Variants in COL5A2 observed in about 807,000 individuals in gnomAD.
The protein encoded by COL5A2 is collagen type V alpha 2 chain, also known as collagen alpha-2(V) chain.
COL5A2 carries 23 observed loss-of-function variants against 208.2 expected under a neutral mutation model. The ratio of observed to expected loss-of-function variants is 0.11; its 90% confidence interval spans 0.08 to 0.16. COL5A2 has a LOEUF of 0.16. COL5A2 is among the 10% of genes least tolerant of loss of function. The pLI is 1.00. For missense variants in COL5A2, 1,590 were observed against 1,956.4 expected (o/e 0.81, Z 3.53); for synonymous variants, 625 against 628.5 (o/e 0.99, Z 0.08).
intron 1 of COL5A2, among the ~76,000 whole-genome samples, chr2:189,179,300 T>C (rs751003781): frequency 1.5e-4 from 23 of 152,166 alleles, no homozygotes; most frequent in Non-Finnish European, 1.2e-4. Context: ...AATTTAGTAG[T>C]GTACTCTCTC....
chr2:189,138,459 T>C (rs556533308), intron 1 of COL5A2, among the ~76,000 whole-genome samples: 2 of 152,308 alleles, frequency 1.3e-5, no homozygotes, highest in South Asian at 2.1e-4. Flanking sequence ...ACATGCTTAA[T>C]TGAAATATAT....
chr2:189,407,208 T>C, the COL5A2 span, among the ~76,000 whole-genome samples: 1 of 152,126 alleles, frequency 6.6e-6, no homozygotes, highest in East Asian at 1.9e-4. Flanking sequence ...TCCATACCTG[T>C]AAAGGTTTTT....
intron 5 of COL5A2, among the ~76,000 whole-genome samples, chr2:189,098,017 GAT>G (rs1430425688): frequency 1.3e-5 from 2 of 151,052 alleles, no homozygotes; most frequent in East Asian, 3.9e-4. Context: ...TTATTGTGCT[GAT>G]ATCTTAAAAT....
the COL5A2 span, among the ~76,000 whole-genome samples, chr2:189,274,649 T>C: frequency 2.0e-5 from 3 of 152,124 alleles, no homozygotes; most frequent in Non-Finnish European, 4.4e-5. Flanking sequence ...CATAAGCAAA[T>C]AATTTTCTTG....
At chr2:189,236,675 C>T in the COL5A2 span, among the ~76,000 whole-genome samples, 1 of 151,770 alleles carries the variant, frequency 6.6e-6, no homozygotes, top group Non-Finnish European at 1.5e-5. Flanking sequence ...TGTGAAGTGT[C>T]TATTCAAGTC....
At chr2:189,211,001 T>C (rs528416309) in intron 1 of COL5A2, among the ~76,000 whole-genome samples, 1 of 152,302 alleles carries the variant, frequency 6.6e-6, no homozygotes, top group Non-Finnish European at 1.5e-5. Context: ...CCATTAGCAA[T>C]TAGAGATTTA....
At chr2:189,426,851 T>C in the COL5A2 span, among the ~76,000 whole-genome samples, 1 of 152,220 alleles carries the variant, frequency 6.6e-6, no homozygotes, top group Non-Finnish European at 1.5e-5. Flanking sequence ...TCTAACAACC[T>C]ATGCTTCTAT....
intron 1 of COL5A2, among the ~76,000 whole-genome samples, chr2:189,215,153 T>C (rs1367844177): frequency 1.3e-5 from 2 of 152,146 alleles, no homozygotes; most frequent in Non-Finnish European, 2.9e-5. Context: ...AATCTATACA[T>C]AGTTACACAT....
chr2:189,337,425 G>A, the COL5A2 span, among the ~76,000 whole-genome samples: 3 of 151,694 alleles, frequency 2.0e-5, no homozygotes, highest in African/African-American at 4.8e-5. Context: ...CTCGTGATCC[G>A]CCCGCCTCGG....
the COL5A2 span, among the ~76,000 whole-genome samples, chr2:189,320,182 G>A: frequency 6.6e-6 from 1 of 152,192 alleles, no homozygotes; most frequent in Non-Finnish European, 1.5e-5. Flanking sequence ...CATCATCAAA[G>A]ACCAAAGGTA....
At chr2:189,371,049 C>T in the COL5A2 span, among the ~76,000 whole-genome samples, 2 of 152,064 alleles carry the variant, frequency 1.3e-5, no homozygotes, top group African/African-American at 2.4e-5. Flanking sequence ...AGTTCTCCCT[C>T]GAATAGTTCC....
the COL5A2 span, among the ~76,000 whole-genome samples, chr2:189,247,063 G>A: frequency 1.3e-5 from 2 of 152,056 alleles, no homozygotes; most frequent in South Asian, 2.1e-4. Flanking sequence ...GATTGAGATG[G>A]AGGAAACGTT....
At chr2:189,226,837 G>A (rs965217777), upstream of COL5A2, among the ~76,000 whole-genome samples, 4 of 152,230 alleles carry the variant, frequency 2.6e-5, no homozygotes, top group Middle Eastern at 3.4e-3. Flanking sequence ...TGGTAATGCA[G>A]ATGGGACCTA....
At chr2:189,108,836 T>C (rs1378442361) in intron 2 of COL5A2, among the ~76,000 whole-genome samples, 4 of 151,966 alleles carry the variant, frequency 2.6e-5, no homozygotes, top group Non-Finnish European at 4.4e-5. Context: ...TTGTGTGATA[T>C]CAACTCTCCT....
the COL5A2 span, among the ~76,000 whole-genome samples, chr2:189,230,563 C>T: frequency 3.3e-5 from 5 of 151,750 alleles, no homozygotes; most frequent in Non-Finnish European, 7.4e-5. Context: ...AATTTCAAAA[C>T]AGCTAACAGG....
chr2:189,293,137 G>A, the COL5A2 span, among the ~76,000 whole-genome samples: 1 of 151,974 alleles, frequency 6.6e-6, no homozygotes, highest in Non-Finnish European at 1.5e-5. Flanking sequence ...ATAGCATTAG[G>A]AGATATACCT....
intron 12 of COL5A2, among the ~76,000 whole-genome samples, chr2:189,082,100 T>C (rs1408567903): frequency 2.0e-5 from 3 of 152,198 alleles, no homozygotes; most frequent in Non-Finnish European, 4.4e-5. Flanking sequence ...AAAGAAATGG[T>C]TTGATATTTC....
At chr2:189,300,046 G>A in the COL5A2 span, among the ~76,000 whole-genome samples, 1 of 152,218 alleles carries the variant, frequency 6.6e-6, no homozygotes, top group Admixed American at 6.5e-5. Context: ...TCATTCCATA[G>A]TATGCATCAA....
At chr2:189,426,676 C>A in the COL5A2 span, among the ~76,000 whole-genome samples, 4 of 152,320 alleles carry the variant, frequency 2.6e-5, no homozygotes, top group South Asian at 8.3e-4. Flanking sequence ...TCAGGGTTCA[C>A]AAACTTCAGT....
Sources: gnomAD v4.1 joint callset for allele counts (sites outside exome capture counted in the v4.1 genomes callset) on GRCh38, gnomAD v4.1.1 for gene constraint, MANE v1.5 for transcripts, NCBI Gene and HGNC (gene_info 2026-07-23, HGNC 2026-07-21) for gene names.